The following RBFOX1 variants were observed in gnomAD, a reference collection of about 807,000 sequenced individuals.
RBFOX1 encodes the protein RNA binding protein fox-1 homolog 1.
Under a neutral mutation model 57.7 loss-of-function variants are expected in RBFOX1, and 8 were observed. The ratio of observed to expected loss-of-function variants is 0.14; its 90% confidence interval spans 0.08 to 0.25. RBFOX1 has a LOEUF of 0.25. Among genes scored for constraint, RBFOX1 ranks in the 10% least tolerant of loss-of-function variants. The probability of loss-of-function intolerance (pLI) is 1.00; values close to 1 mark genes in which losing one functional copy is unlikely to be tolerated. For synonymous variants in RBFOX1, 326 were observed against 222.4 expected (o/e 1.47, Z -4.15); for missense variants, 611 against 548.5 (o/e 1.11, Z -1.14).
intron 3 of RBFOX1, among the ~76,000 whole-genome samples, chr16:6,696,133 C>G (rs2061004631): frequency 1.3e-5 from 2 of 152,096 alleles, no homozygotes; most frequent in Admixed American, 1.3e-4. Flanking sequence ...TAAATGGATC[C>G]TATACTGCGT....
chr16:6,820,451 G>A (rs1270485627), intron 3 of RBFOX1, among the ~76,000 whole-genome samples: 1 of 152,122 alleles, frequency 6.6e-6, no homozygotes, highest in African/African-American at 2.4e-5. Flanking sequence ...GAGGCCAGGA[G>A]TTCGACACCA....
At chr16:7,139,196 GTATGTGTGTGTGTT>G (rs1472203873) in intron 4 of RBFOX1, among the ~76,000 whole-genome samples, 3 of 149,480 alleles carry the variant, frequency 2.0e-5, no homozygotes, top group Non-Finnish European at 3.0e-5. Flanking sequence ...GTGTGTGTGT[GTATGTGTGTGTGTT>G]TGTGTGTGTG....
intron 4 of RBFOX1, among the ~76,000 whole-genome samples, chr16:7,377,582 T>G (rs1162157897): frequency 1.3e-5 from 2 of 152,224 alleles, no homozygotes; most frequent in Non-Finnish European, 2.9e-5. Context: ...ATGTTTTAGA[T>G]TTGTCTATGG....
chr16:5,915,117 G>A (rs1470494449), intron 4 of RBFOX1, among the ~76,000 whole-genome samples: 3 of 152,114 alleles, frequency 2.0e-5, no homozygotes, highest in African/African-American at 7.2e-5. Flanking sequence ...TATTTTAGAG[G>A]CTGCTCATTC....
At chr16:7,405,934 C>G (rs940721527) in intron 4 of RBFOX1, among the ~76,000 whole-genome samples, 2 of 152,110 alleles carry the variant, frequency 1.3e-5, no homozygotes, top group African/African-American at 4.8e-5. Flanking sequence ...TTTTAGTTGT[C>G]ACGACTGGGC....
rs533758682 is a variant in RBFOX1 at position 6,651,394 on chromosome 16, C to T, written c.-63-3209C>T. On this transcript the variant is annotated intron_variant, in intron 2 of 15. Transcript: ENST00000550418. Reference sequence around the variant, plus strand: ...CCTCTGACTACTTCTCTCCCCTTCCCCTGCTACACCCTTATCCATCCACCA... The same window carrying T: ...CCTCTGACTACTTCTCTCCCCTTCCTCTGCTACACCCTTATCCATCCACCA... 4.2e-4 allele frequency among the ~76,000 whole-genome samples: 64 copies of T among 152,318 alleles called. 1 individual carries two copies. The highest frequency in any genetic ancestry group is 7.3e-4 in the Non-Finnish European group (50 of 68,034).
chr16:5,356,482 A>G (rs1037217682), intron 1 of RBFOX1, among the ~76,000 whole-genome samples: 2 of 152,178 alleles, frequency 1.3e-5, no homozygotes, highest in African/African-American at 4.8e-5. Context: ...CTTGAGGACC[A>G]TTGGTTGCTT....
At chr16:5,656,723 A>G (rs2049443181) in intron 3 of RBFOX1, among the ~76,000 whole-genome samples, 2 of 152,234 alleles carry the variant, frequency 1.3e-5, no homozygotes, top group Non-Finnish European at 2.9e-5. Flanking sequence ...TGCAAAGGAC[A>G]TGAACTCATT....
intron 3 of RBFOX1, among the ~76,000 whole-genome samples, chr16:5,856,127 AT>A (rs2057024127): frequency 8.5e-6 from 1 of 118,254 alleles, no homozygotes; most frequent in African/African-American, 3.2e-5. Context: ...TTATTTCTAA[AT>A]TTTTTTCCAG....
intron 2 of RBFOX1, among the ~76,000 whole-genome samples, chr16:6,519,595 G>C (rs2096460425): frequency 6.6e-6 from 1 of 152,130 alleles, no homozygotes; most frequent in Admixed American, 6.5e-5. Context: ...CAGCTACTCA[G>C]GAGGCTGAGG....
intron 4 of RBFOX1, among the ~76,000 whole-genome samples, chr16:7,068,019 A>G (rs1425860210): frequency 6.8e-6 from 1 of 147,176 alleles, no homozygotes; most frequent in Non-Finnish European, 1.5e-5. Context: ...TGGTTTCATG[A>G]ATCACTCTCA....
At chr16:6,226,100 C>G (rs1305661807) in intron 1 of RBFOX1, among the ~76,000 whole-genome samples, 2 of 151,438 alleles carry the variant, frequency 1.3e-5, no homozygotes, top group African/African-American at 4.9e-5. Context: ...TGGCTCATGC[C>G]TGTAATCCCA....
rs374601807 is a variant in RBFOX1, at chr16:6,164,791, C to T, written c.-127+144799C>T. 5.9e-5 allele frequency among the ~76,000 whole-genome samples: 9 copies of T among 152,092 alleles called. No individual in the cohort carries two copies. In the East Asian group the frequency reaches 1.5e-3, roughly 26 times the overall value. On this transcript the variant is annotated intron_variant, in intron 1 of 15. Transcript: ENST00000550418. ...GCCTATATGGAAATATTTTAATTGCCTGTAAACACACTCAGTGGAGCTCGT... is the reference window on the plus strand; with the variant it reads ...GCCTATATGGAAATATTTTAATTGCTTGTAAACACACTCAGTGGAGCTCGT...
At chr16:7,174,730 A>G (rs1055476683) in intron 4 of RBFOX1, among the ~76,000 whole-genome samples, 1 of 152,236 alleles carries the variant, frequency 6.6e-6, no homozygotes, top group African/African-American at 2.4e-5. Context: ...CAGTGAGCCA[A>G]GATTGCGCCA....
intron 4 of RBFOX1, among the ~76,000 whole-genome samples, chr16:7,405,864 GATTCT>G (rs1435291479): frequency 6.6e-6 from 1 of 152,162 alleles, no homozygotes; most frequent in Non-Finnish European, 1.5e-5. Flanking sequence ...CTAGGTCTGT[GATTCT>G]CAGGCAGTTG....
intron 1 of RBFOX1, among the ~76,000 whole-genome samples, chr16:5,438,115 A>G (rs902313092): frequency 1.3e-5 from 2 of 152,222 alleles, no homozygotes; most frequent in Non-Finnish European, 2.9e-5. Flanking sequence ...TTTGAACACA[A>G]CATTGTATTG....
At chr16:6,223,249 G>A (rs371646599) in intron 1 of RBFOX1, among the ~76,000 whole-genome samples, 4 of 150,338 alleles carry the variant, frequency 2.7e-5, no homozygotes, top group Non-Finnish European at 5.9e-5. Flanking sequence ...TGGTATTTCT[G>A]GTTCTAGATC....
chr16:6,096,939 C>A (rs1036177637), intron 1 of RBFOX1, among the ~76,000 whole-genome samples: 2 of 152,166 alleles, frequency 1.3e-5, no homozygotes, highest in East Asian at 3.9e-4. Flanking sequence ...GCTCACCCCT[C>A]TGCACTCCTG....
At chr16:6,198,048 T>G (rs1304126316) in intron 1 of RBFOX1, among the ~76,000 whole-genome samples, 1 of 152,228 alleles carries the variant, frequency 6.6e-6, no homozygotes, top group Non-Finnish European at 1.5e-5. Flanking sequence ...GGCATTGAAT[T>G]AACTAATACT....
Sources: allele counts gnomAD v4.1 joint callset (sites outside exome capture counted in the v4.1 genomes callset), GRCh38; gene constraint gnomAD v4.1.1; transcripts MANE v1.5; gene names NCBI Gene and HGNC (gene_info 2026-07-23, HGNC 2026-07-21).